The following SESTD1 variants were observed in gnomAD, a reference collection of about 807,000 sequenced individuals.
SESTD1 encodes the protein SEC14 and spectrin domain containing 1.
SESTD1 carries 43 observed loss-of-function variants against 101.7 expected under a neutral mutation model. The observed-to-expected ratio is 0.42, with a 90% CI of 0.33 to 0.55. SESTD1 has a LOEUF of 0.55. SESTD1 is among the 20% of genes least tolerant of loss of function. The pLI is 0.07. For synonymous variants in SESTD1, 283 were observed against 286.8 expected, an observed-to-expected ratio of 0.99 and a Z score of 0.13; for missense variants, 647 against 815.1, an observed-to-expected ratio of 0.79 and a Z score of 2.51.
intron 3 of SESTD1, among the ~76,000 whole-genome samples, chr2:179,182,255 CACAA>C (rs1287959699): frequency 5.3e-5 from 8 of 151,426 alleles, no homozygotes; most frequent in South Asian, 2.1e-4. Context: ...ATTGTACACA[CACAA>C]ACACACACAC....
chr2:179,135,408 G>A (rs2045118120), intron 9 of SESTD1, among the ~76,000 whole-genome samples: 1 of 151,978 alleles, frequency 6.6e-6, no homozygotes, highest in Non-Finnish European at 1.5e-5. Flanking sequence ...TTATGTTCTA[G>A]AGTCTTAAAG....
At chr2:179,167,177 T>C (rs1438724737) in intron 5 of SESTD1, among the ~76,000 whole-genome samples, 1 of 152,134 alleles carries the variant, frequency 6.6e-6, no homozygotes, top group Non-Finnish European at 1.5e-5. Flanking sequence ...ACGAGGAATT[T>C]CAGCAAAGAG....
chr2:179,146,887 C>T (rs2045406916), intron 7 of SESTD1, among the ~76,000 whole-genome samples: 1 of 147,518 alleles, frequency 6.8e-6, no homozygotes, highest in Non-Finnish European at 1.5e-5. Flanking sequence ...TGTGAATATT[C>T]TGTCTTATAT....
chr2:179,196,160 G>C lies in SESTD1; in HGVS notation c.-25-4294C>G, dbSNP rs1215776277. On this transcript the variant is annotated intron_variant, in intron 1 of 17. Coordinates refer to ENST00000428443, the MANE Select transcript of SESTD1 (RefSeq NM_178123.5). ...CTCACGCAGGAAGCGCAAGGGGTCA[G>C]GGAGTTCCCTTTCCTAGTCAAAGAA... Among the ~76,000 whole-genome samples, 7 of 152,342 alleles carry C rather than the reference G, an allele frequency of 4.6e-5. No individual in the cohort carries two copies. The South Asian group carries it at 1.5e-3, about 32-fold the overall frequency.
intron 10 of SESTD1, among the ~76,000 whole-genome samples, chr2:179,125,965 A>C (rs143842586): frequency 1.3e-5 from 2 of 152,296 alleles, no homozygotes; most frequent in African/African-American, 4.8e-5. Context: ...ATTACAGCCT[A>C]TCTCTGTTGC....
chr2:179,156,608 C>T (rs147486499), intron 5 of SESTD1, among the ~76,000 whole-genome samples: 65 of 152,182 alleles, frequency 4.3e-4, no homozygotes, highest in Non-Finnish European at 6.0e-4. Flanking sequence ...TGTTTGTTGG[C>T]CATTTGTATA....
At chr2:179,197,682 AC>A (rs1335891347) in intron 1 of SESTD1, among the ~76,000 whole-genome samples, 6 of 152,226 alleles carry the variant, frequency 3.9e-5, no homozygotes, top group Admixed American at 2.0e-4. Flanking sequence ...AGAATTTTCA[AC>A]CCAGAATTTC....
At chr2:179,233,458 G>C (rs1391259780) in intron 1 of SESTD1, among the ~76,000 whole-genome samples, 1 of 151,640 alleles carries the variant, frequency 6.6e-6, no homozygotes, top group African/African-American at 2.4e-5. Context: ...TTTTGCTTTT[G>C]CTTTTGTTTT....
chr2:179,178,455 C>A (rs1335240635), intron 3 of SESTD1, among the ~76,000 whole-genome samples: 1 of 152,044 alleles, frequency 6.6e-6, no homozygotes, highest in Non-Finnish European at 1.5e-5. Context: ...ACCAGCAAGA[C>A]TCCATCTCTA....
At chr2:179,262,179 G>A (rs2105564537) in intron 1 of SESTD1, among the ~76,000 whole-genome samples, 1 of 152,260 alleles carries the variant, frequency 6.6e-6, no homozygotes, top group Middle Eastern at 3.4e-3. Flanking sequence ...GAGACATAAA[G>A]TAAATTAGTG....
intron 1 of SESTD1, among the ~76,000 whole-genome samples, chr2:179,228,381 G>C (rs2046923078): frequency 6.6e-6 from 1 of 152,186 alleles, no homozygotes; most frequent in Non-Finnish European, 1.5e-5. Flanking sequence ...GTCCATGTGT[G>C]TAATGGAAGG....
rs2044291319 is a variant in SESTD1 at position 179,102,411 on chromosome 2, G to C, written c.*7488C>G. The C allele has an allele frequency of 6.6e-6, 1 of 152,078 alleles. No individual in the cohort carries two copies. The highest frequency in any genetic ancestry group is 2.1e-4 in the South Asian group (1 of 4,824). The allele number at this position is 152,078 out of a possible 1,614,324, so 9.4% of individuals were successfully genotyped here. On this transcript the variant is annotated 3_prime_UTR_variant, in exon 18 of 18. Transcript: ENST00000428443. ...CAGATTATCTTATAGAGACCAGTGT[G>C]ACTTAATTCTCCCTAGATTTTATGA...
At chr2:179,229,749 T>TATATATATA (rs2046950405) in intron 1 of SESTD1, among the ~76,000 whole-genome samples, 1 of 106,362 alleles carries the variant, frequency 9.4e-6, no homozygotes, top group African/African-American at 3.3e-5. Context: ...TTGTAAGAAC[T>TATATATATA]TATATATATA....
Position 179,209,112 on chromosome 2 carries a change from T to G in SESTD1, c.-25-17246A>C, listed in dbSNP as rs1292877708. On this transcript the variant is annotated intron_variant, in intron 1 of 17. Transcript: ENST00000428443. ...TCAGACAAAACTAAAGCATCAGCACTTTAAAAAGACAAAGAGGGGCATTAT... is the reference window on the plus strand; with the variant it reads ...TCAGACAAAACTAAAGCATCAGCACGTTAAAAAGACAAAGAGGGGCATTAT... Among the ~76,000 whole-genome samples the G allele has an allele frequency of 2.2e-5, 3 of 134,556 alleles. 1 individual carries two copies. The highest frequency in any genetic ancestry group is 4.8e-5 in the Non-Finnish European group (3 of 62,554). The allele number at this position is 134,556 out of a possible 152,430, so 88.3% of individuals were successfully genotyped here.
intron 2 of SESTD1, among the ~76,000 whole-genome samples, chr2:179,187,298 A>G (rs1393960271): frequency 6.6e-6 from 1 of 152,170 alleles, no homozygotes; most frequent in Non-Finnish European, 1.5e-5. Context: ...CTAACACCCC[A>G]CTTAAAAGAC....
chr2:179,135,303 AT>A (rs1159178423), intron 9 of SESTD1, among the ~76,000 whole-genome samples: 1 of 152,130 alleles, frequency 6.6e-6, no homozygotes, highest in Non-Finnish European at 1.5e-5. Flanking sequence ...ATCTTTCCAT[AT>A]TTTTTAAAGA....
intron 5 of SESTD1, among the ~76,000 whole-genome samples, chr2:179,167,181 CAA>C (rs1324525295): frequency 2.0e-5 from 3 of 152,106 alleles, no homozygotes; most frequent in Non-Finnish European, 2.9e-5. Flanking sequence ...GGAATTTCAG[CAA>C]AGAGATAGAA....
intron 1 of SESTD1, among the ~76,000 whole-genome samples, chr2:179,237,321 T>A (rs527619816): frequency 3.0e-4 from 45 of 152,280 alleles, no homozygotes; most frequent in African/African-American, 1.1e-3. Flanking sequence ...TAATACCCCA[T>A]TCTCCTGGTT....
chr2:179,167,490 A>C (rs1410622523), intron 5 of SESTD1, among the ~76,000 whole-genome samples: 1 of 152,244 alleles, frequency 6.6e-6, no homozygotes, highest in Middle Eastern at 3.2e-3. Context: ...GCATTTTCCA[A>C]AATTGATGAC....
Sources: gnomAD v4.1 joint callset for allele counts (sites outside exome capture counted in the v4.1 genomes callset) on GRCh38, gnomAD v4.1.1 for gene constraint, MANE v1.5 for transcripts, NCBI Gene and HGNC (gene_info 2026-07-23, HGNC 2026-07-21) for gene names.